RGS6: variants seen among roughly 807,000 people sequenced by gnomAD.
RGS6 encodes the protein regulator of G protein signaling 6.
A neutral mutation model predicts 78.5 loss-of-function variants in RGS6; 30 were observed. The observed-to-expected ratio is 0.38, with a 90% CI of 0.29 to 0.52. RGS6 has a LOEUF of 0.52. Ranked by LOEUF, RGS6 falls within the 20% of genes least tolerant of loss-of-function variation. RGS6 has a pLI of 0.85. For synonymous variants in RGS6, 206 were observed against 206.0 expected (o/e 1.00, Z 0.00); for missense variants, 495 against 609.7 (o/e 0.81, Z 1.98).
At chr14:72,337,021 A>G (rs776607844) in intron 2 of RGS6, among the ~76,000 whole-genome samples, 13 of 152,166 alleles carry the variant, frequency 8.5e-5, no homozygotes, top group Non-Finnish European at 1.5e-4. Flanking sequence ...ATGAGATCAC[A>G]TTCTGAGGTA....
chr14:72,265,593 C>T (rs142156416), intron 2 of RGS6, among the ~76,000 whole-genome samples: 5 of 152,296 alleles, frequency 3.3e-5, no homozygotes, highest in African/African-American at 1.2e-4. Context: ...TCTACCATCA[C>T]CACCTGCCGC....
intron 12 of RGS6, among the ~76,000 whole-genome samples, chr14:72,480,603 A>G (rs954859312): frequency 2.6e-5 from 4 of 152,114 alleles, no homozygotes; most frequent in African/African-American, 9.7e-5. Flanking sequence ...ACCCCCAGAT[A>G]AGGAGGAGGA....
At chr14:72,494,315 G>A (rs565766805) in intron 12 of RGS6, among the ~76,000 whole-genome samples, 4 of 152,238 alleles carry the variant, frequency 2.6e-5, no homozygotes, top group South Asian at 2.1e-4. Flanking sequence ...GGAGGATCAC[G>A]TAAGAAAAGG....
the RGS6 span, among the ~76,000 whole-genome samples, chr14:72,611,629 C>T: frequency 6.6e-6 from 1 of 152,174 alleles, no homozygotes; most frequent in Non-Finnish European, 1.5e-5. Flanking sequence ...ACCCCAGAAA[C>T]CCACAAGCAG....
intron 3 of RGS6, among the ~76,000 whole-genome samples, chr14:72,434,979 C>T (rs1473558575): frequency 6.6e-6 from 1 of 152,068 alleles, no homozygotes; most frequent in Admixed American, 6.6e-5. Context: ...TTTTAGAGAC[C>T]AAAAGTCTGA....
chr14:72,566,952 C>T (rs1166446874), downstream of RGS6, among the ~76,000 whole-genome samples: 1 of 152,146 alleles, frequency 6.6e-6, no homozygotes, highest in East Asian at 1.9e-4. Context: ...CACAGAGTCT[C>T]GGTTTCCTGA....
the RGS6 span, among the ~76,000 whole-genome samples, chr14:71,925,278 A>C: frequency 6.6e-6 from 1 of 152,188 alleles, no homozygotes; most frequent in Non-Finnish European, 1.5e-5. Context: ...TTGCGATTGA[A>C]TTGAGTTCCT....
chr14:72,493,838 T>C (rs1169187626), intron 12 of RGS6, among the ~76,000 whole-genome samples: 1 of 152,128 alleles, frequency 6.6e-6, no homozygotes, highest in African/African-American at 2.4e-5. Flanking sequence ...GTGTTCTATG[T>C]CTAGCACTAT....
intron 2 of RGS6, among the ~76,000 whole-genome samples, chr14:72,264,983 G>T (rs1392068475): frequency 6.6e-6 from 1 of 152,152 alleles, no homozygotes; most frequent in Non-Finnish European, 1.5e-5. Flanking sequence ...CCTGCCAGGA[G>T]GGAGTTGGAG....
intron 3 of RGS6, among the ~76,000 whole-genome samples, chr14:72,367,851 C>T (rs950053041): frequency 6.6e-6 from 1 of 152,166 alleles, no homozygotes; most frequent in Admixed American, 6.5e-5. Flanking sequence ...CCTCAGTTTT[C>T]TCACCTGTTA....
chr14:72,389,870 T>C (rs954059215), intron 3 of RGS6, among the ~76,000 whole-genome samples: 1 of 152,232 alleles, frequency 6.6e-6, no homozygotes, highest in African/African-American at 2.4e-5. Flanking sequence ...CTTGGAGTTA[T>C]GTTCATTAAT....
At chr14:72,257,814 C>A (rs758071258) in intron 2 of RGS6, among the ~76,000 whole-genome samples, 1 of 152,118 alleles carries the variant, frequency 6.6e-6, no homozygotes, top group Non-Finnish European at 1.5e-5. Flanking sequence ...CAAGCCTCCC[C>A]CTCTGTGTCA....
chr14:72,434,559 A>C (rs1310601866), intron 3 of RGS6, among the ~76,000 whole-genome samples: 1 of 152,056 alleles, frequency 6.6e-6, no homozygotes, highest in African/African-American at 2.4e-5. Context: ...CCCAGCTGTG[A>C]AGTTTAGAGG....
At chr14:72,249,779 A>G (rs2055153766) in intron 2 of RGS6, among the ~76,000 whole-genome samples, 1 of 152,166 alleles carries the variant, frequency 6.6e-6, no homozygotes, top group Non-Finnish European at 1.5e-5. Flanking sequence ...TACTATAAAG[A>G]CACATGCACA....
chr14:71,943,060 G>A (rs2090894284), intron 1 of RGS6, among the ~76,000 whole-genome samples: 1 of 152,086 alleles, frequency 6.6e-6, no homozygotes, highest in African/African-American at 2.4e-5. Context: ...ATTCTACAAA[G>A]CCAGCTGAGG....
the RGS6 span, among the ~76,000 whole-genome samples, chr14:71,881,941 A>G: frequency 1.3e-5 from 2 of 152,094 alleles, no homozygotes; most frequent in Non-Finnish European, 2.9e-5. Context: ...TGTTATGTGT[A>G]TATAAAATAT....
the RGS6 span, among the ~76,000 whole-genome samples, chr14:71,901,186 G>A: frequency 3.8e-3 from 583 of 151,812 alleles, 4 homozygotes; most frequent in African/African-American, 0.013. Context: ...TATTTGAGCC[G>A]ATTCTATGGT....
the RGS6 span, among the ~76,000 whole-genome samples, chr14:71,876,587 T>G: frequency 2.7e-5 from 4 of 147,628 alleles, no homozygotes; most frequent in African/African-American, 9.9e-5. Context: ...ATGAGATGTG[T>G]CTCCTGAATA....
intron 2 of RGS6, among the ~76,000 whole-genome samples, chr14:72,068,239 A>G (rs2094248188): frequency 6.7e-6 from 1 of 149,080 alleles, no homozygotes; most frequent in South Asian, 2.1e-4. Context: ...GGTTCAAGCC[A>G]TCCTCCCACC....
Sources: allele counts gnomAD v4.1 joint callset (sites outside exome capture counted in the v4.1 genomes callset), GRCh38; gene constraint gnomAD v4.1.1; transcripts MANE v1.5; gene names NCBI Gene and HGNC (gene_info 2026-07-23, HGNC 2026-07-21).